Variants in DOCK11 observed in about 807,000 individuals in gnomAD.
DOCK11 encodes the protein dedicator of cytokinesis 11.
DOCK11 carries 70 observed loss-of-function variants against 169.1 expected under a neutral mutation model. That is an observed-to-expected ratio of 0.41 (90% CI 0.34 to 0.51). The LOEUF (loss-of-function observed/expected upper bound fraction) is 0.51. Among genes scored for constraint, DOCK11 ranks in the 20% least tolerant of loss-of-function variants. The pLI is 0.10. For synonymous variants in DOCK11, 529 were observed against 541.3 expected (o/e 0.98, Z 0.32); for missense variants, 1,166 against 1,538.8 (o/e 0.76, Z 4.05).
chrX:118,641,120 A>G (rs1189989249), intron 38 of DOCK11, 70 bp from the exon 39 acceptor site: 1 of 811,397 alleles, frequency 1.2e-6, no homozygotes, highest in Non-Finnish European at 1.9e-6. Flanking sequence ...GTCTTTGGGT[A>G]GAAAGTCATT....
At chrX:118,625,048 C>T (rs1448209790) in intron 32 of DOCK11, among the ~76,000 whole-genome samples, 1 of 111,033 alleles carries the variant, frequency 9.0e-6, no homozygotes, top group African/African-American at 3.3e-5. Context: ...GCATGAGCCA[C>T]CGTGCCCAGC....
intron 34 of DOCK11, among the ~76,000 whole-genome samples, chrX:118,629,161 C>T (rs2015177941): frequency 9.0e-6 from 1 of 111,267 alleles, no homozygotes; most frequent in Non-Finnish European, 1.9e-5. Context: ...GTATTGTTAC[C>T]CTTGAGAACC....
intron 23 of DOCK11, among the ~76,000 whole-genome samples, chrX:118,603,779 A>T (rs1293856835): frequency 8.9e-6 from 1 of 111,929 alleles, no homozygotes; most frequent in South Asian, 3.7e-4. Context: ...GTTTCACTGA[A>T]GTGGGGATTT....
At chrX:118,585,141 C>A in intron 16 of DOCK11, 24 bp downstream of exon 16, 1 of 1,131,108 alleles carries the variant, frequency 8.8e-7, no homozygotes, top group South Asian at 1.9e-5. Context: ...GCAAATAAAC[C>A]TTAAGCATAA....
intron 6 of DOCK11, among the ~76,000 whole-genome samples, chrX:118,557,071 G>T: frequency 1.8e-5 from 2 of 112,081 alleles, no homozygotes; most frequent in Non-Finnish European, 3.8e-5. Context: ...GCTGGAAATG[G>T]GATTATTCAT....
At chrX:118,646,585 A>G (rs1490554873) in intron 40 of DOCK11, among the ~76,000 whole-genome samples, 2 of 111,669 alleles carry the variant, frequency 1.8e-5, no homozygotes, top group Non-Finnish European at 3.8e-5. Context: ...TAGGTCATTG[A>G]TGATTTTAGC....
Position 118,663,725 on chromosome X carries a change from A to G in DOCK11, c.5076+933A>G, listed in dbSNP as rs111461704. Among the ~76,000 whole-genome samples the G allele has an allele frequency of 7.2e-3, 617 of 85,771 alleles. 13 individuals are homozygous for G. The highest frequency in any genetic ancestry group is 0.028 in the African/African-American group (586 of 21,150). The allele number at this position is 85,771 out of a possible 115,157, so 74.5% of individuals were successfully genotyped here. A position where few individuals can be genotyped will look rare whatever the true frequency, so the allele number is the denominator to read the frequency against. On this transcript the variant is annotated intron_variant, in intron 45 of 52. Coordinates refer to ENST00000276202, the MANE Select transcript of DOCK11 (RefSeq NM_144658.4). ...GAGTCTCGCTATGTCGCCAGGCTGG[A>G]GTGCAGTGGCGCAATCTTGGTTCAC...
chrX:118,658,766 T>C (rs954366897), intron 44 of DOCK11, among the ~76,000 whole-genome samples: 1 of 112,325 alleles, frequency 8.9e-6, no homozygotes, highest in Non-Finnish European at 1.9e-5. Flanking sequence ...TATTTTTATT[T>C]TGTTTGAGAA....
chrX:118,566,026 G>A lies in DOCK11; in HGVS notation c.715G>A (p.Ala239Thr). ...CTAGTGCCCCAAAATGCGCCGTCAT[G>A]CTTTTGAACTCAAGATGTTAGATAA... ...VVQCPKMRRHAFELKMLDKYS... is the reference protein window; with the variant it reads ...VVQCPKMRRHTFELKMLDKYS... Residue 239 changes from alanine (A) to threonine (T), a missense_variant, in exon 8 of 53, where the codon GCT becomes ACT. Coordinates refer to ENST00000276202, the MANE Select transcript of DOCK11 (RefSeq NM_144658.4). The A allele has an allele frequency of 1.7e-6, 2 of 1,211,278 alleles. No individual in the cohort carries two copies. Among genetic ancestry groups the A allele is most frequent in the Non-Finnish European group, 2.2e-6 (2 of 895,304 alleles).
rs1436837389 is a variant in DOCK11, at chrX:118,516,004, A to ACTATAT, written c.102+19931_102+19932insCTATAT. 2.6e-3 allele frequency among the ~76,000 whole-genome samples: 119 copies of ACTATAT among 44,943 alleles called. 10 individuals carry two copies. Among genetic ancestry groups the ACTATAT allele is most frequent in the Non-Finnish European group, 3.4e-3 (95 of 28,247 alleles). 39.0% of individuals were successfully genotyped at this position (44,943 alleles called of 115,157 possible). ...ATGTTCAAAAGTAAGGATTTGGGCA[A>ACTATAT]ATATATATATATATACATTCTTACA... On this transcript the variant is annotated intron_variant, in intron 1 of 52. Transcript: ENST00000276202.
intron 1 of DOCK11, among the ~76,000 whole-genome samples, chrX:118,514,232 G>GCCC (rs201329388): frequency 9.2e-6 from 1 of 108,340 alleles, no homozygotes; most frequent in Admixed American, 9.9e-5. Flanking sequence ...GTTTCCTGAG[G>GCCC]CCCCCCCCAT....
rs186466056 is a variant in DOCK11, at chrX:118,625,189, C to T, written c.3588+534C>T. ...TTTTTTTTTGAGACAGAGTCTCGCT[C>T]TGTCGCCCAGGCTGGAGTGCAGTGG... On this transcript the variant is annotated intron_variant, in intron 32 of 52. Transcript: ENST00000276202. 3.2e-3 allele frequency among the ~76,000 whole-genome samples: 352 copies of T among 108,788 alleles called. 4 individuals carry two copies. The highest frequency in any genetic ancestry group is 0.022 in the Admixed American group (223 of 10,204). The allele number at this position is 108,788 out of a possible 115,157, so 94.5% of individuals were successfully genotyped here.
chrX:118,558,032 T>G (rs1215501261), intron 6 of DOCK11, among the ~76,000 whole-genome samples: 1 of 101,213 alleles, frequency 9.9e-6, no homozygotes, highest in African/African-American at 3.6e-5. Flanking sequence ...TGGAGTGCAG[T>G]GGTGTGATCT....
chrX:118,550,050 G>A (rs142305584), intron 6 of DOCK11, among the ~76,000 whole-genome samples: 1,157 of 111,949 alleles, frequency 0.01, 17 homozygotes, highest in East Asian at 0.097. Context: ...CAGTAGTGTT[G>A]TATTTCAGAA....
Position 118,544,714 on chromosome X carries a change from G to A in DOCK11, c.393-609G>A, listed in dbSNP as rs975035685. Among the ~76,000 whole-genome samples, 30 of 85,798 alleles carry A rather than the reference G, an allele frequency of 3.5e-4. 1 individual carries two copies. The highest frequency in any genetic ancestry group is 1.3e-3 in the African/African-American group (29 of 22,386). The allele number at this position is 85,798 out of a possible 115,157, so 74.5% of individuals were successfully genotyped here. On this transcript the variant is annotated intron_variant, in intron 4 of 52. Coordinates refer to ENST00000276202, the MANE Select transcript of DOCK11 (RefSeq NM_144658.4). ...TCGCTCTTGTCACCCAGGCTGGAGT[G>A]CAGTGGCGCGATCTCGGCTCACTGC...
chrX:118,563,545 A>T (rs2012977841), intron 7 of DOCK11, among the ~76,000 whole-genome samples: 1 of 109,861 alleles, frequency 9.1e-6, no homozygotes, highest in Non-Finnish European at 1.9e-5. Context: ...GCTTATATGT[A>T]TGATTATATA....
chrX:118,508,760 G>A (rs1286489318), intron 1 of DOCK11, among the ~76,000 whole-genome samples: 1 of 112,089 alleles, frequency 8.9e-6, no homozygotes, highest in Non-Finnish European at 1.9e-5. Context: ...CCTAGTGACC[G>A]ACATGACCAC....
chrX:118,647,583 A>C (rs2015728339), intron 40 of DOCK11, among the ~76,000 whole-genome samples: 2 of 62,302 alleles, frequency 3.2e-5, no homozygotes, highest in South Asian at 1.4e-3. Context: ...TTAACATATA[A>C]TATATCTTAT....
intron 1 of DOCK11, among the ~76,000 whole-genome samples, chrX:118,499,281 C>T (rs747963154): frequency 2.7e-5 from 3 of 112,014 alleles, no homozygotes; most frequent in South Asian, 3.7e-4. Context: ...CTTTATCAGC[C>T]TGGAAGAGTC....
Sources: allele counts gnomAD v4.1 joint callset (sites outside exome capture counted in the v4.1 genomes callset), GRCh38; gene constraint gnomAD v4.1.1; transcripts MANE v1.5; gene names NCBI Gene and HGNC (gene_info 2026-07-23, HGNC 2026-07-21).